The following AHNAK2 variants were observed in gnomAD, a reference collection of about 807,000 sequenced individuals.
AHNAK2 encodes the protein AHNAK nucleoprotein 2, also known as protein AHNAK2.
Under a neutral mutation model 30.7 loss-of-function variants are expected in AHNAK2, and 18 were observed. That is an observed-to-expected ratio of 0.59 (90% confidence interval 0.41 to 0.87). The LOEUF (loss-of-function observed/expected upper bound fraction) is 0.87, where lower values mean the gene tolerates loss of function less well. AHNAK2 is among the 40% of genes least tolerant of loss of function. AHNAK2 has a pLI of 0.00. For synonymous variants in AHNAK2, 3,590 were observed against 3,073.8 expected (o/e 1.17, Z -5.56); for missense variants, 8,604 against 7,373.0 (o/e 1.17, Z -6.11).
At chr14:104,960,491 T>G (rs1055615156) in intron 1 of AHNAK2, among the ~76,000 whole-genome samples, 10 of 152,188 alleles carry the variant, frequency 6.6e-5, no homozygotes, top group African/African-American at 2.4e-4. Flanking sequence ...CTACATTGCT[T>G]TATAGAAGGG....
In AHNAK2 at chr14:104,942,151, G is replaced by T. The variant is rs777499215; in HGVS notation, c.13300C>A (p.Gln4434Lys). Residue 4434 changes from glutamine to lysine, a missense_variant, in exon 7 of 7, where the codon CAA becomes AAA. Coordinates refer to ENST00000333244, the MANE Select transcript of AHNAK2 (RefSeq NM_138420.4). Reference protein sequence around the residue: ...VSLPSMEVDIQAPGAKLDSTR... With the variant: ...VSLPSMEVDIKAPGAKLDSTR... ...CTGTCCAGCTTGGCTCCTGGGGCTTGGATGTCCACCTCCATGCTGGGCAGA... is the reference window on the plus strand; with the variant it reads ...CTGTCCAGCTTGGCTCCTGGGGCTTTGATGTCCACCTCCATGCTGGGCAGA... The T allele has an allele frequency of 1.7e-5, 28 of 1,611,402 alleles. No homozygotes were observed. Among genetic ancestry groups the T allele is most frequent in the Non-Finnish European group, 2.3e-5 (27 of 1,179,086 alleles).
chr14:104,977,179 T>C (rs1320231664), intron 1 of AHNAK2, among the ~76,000 whole-genome samples: 1 of 152,176 alleles, frequency 6.6e-6, no homozygotes, highest in Non-Finnish European at 1.5e-5. Context: ...CCATTAGCAT[T>C]GACCTGTTTT....
chr14:104,952,844 G>A lies in AHNAK2; in HGVS notation c.2607C>T (p.Leu869=), dbSNP rs770710204. Residue 869 remains leucine (L), a synonymous_variant, in exon 7 of 7, where the codon CTC becomes CTT. Transcript: ENST00000333244. ...SAPKVEADVS[L]SSMQGDLKAT... is the part of the protein sequence containing the mutation. ...CCTTGAGGTCCCCCTGCATGGAGGA[G>A]AGGCTCACGTCGGCCTCCACCTTCG... is the stretch of plus-strand genomic sequence containing the variant. 9.3e-6 allele frequency: 15 copies of A among 1,612,678 alleles called. No individual in the cohort carries two copies. The East Asian group carries it at 1.8e-4, about 19-fold the overall frequency.
chr14:104,977,775 C>T (rs1899632689), intron 1 of AHNAK2, among the ~76,000 whole-genome samples: 1 of 152,222 alleles, frequency 6.6e-6, no homozygotes. Flanking sequence ...CAGACACCAG[C>T]CCTGCTCCAG....
In AHNAK2 at chr14:104,938,771, G is replaced by A; in HGVS notation, c.16680C>T (p.Asp5560=). The change falls in exon 7 of 7, where the codon GAC becomes GAT. Residue 5560 remains aspartate, a synonymous_variant. Coordinates refer to ENST00000333244, the MANE Select transcript of AHNAK2 (RefSeq NM_138420.4). ...EAPIQATPGV[D]SISGDLQPDT... Reference sequence around the variant, plus strand: ...CAGGCTGGAGATCTCCAGAAATGGAGTCTACTCCTGGGGTGGCTTGTATGG... The same window carrying A: ...CAGGCTGGAGATCTCCAGAAATGGAATCTACTCCTGGGGTGGCTTGTATGG... 1 of 1,613,958 alleles carries A rather than the reference G, an allele frequency of 6.2e-7. No homozygotes were observed. The highest frequency in any genetic ancestry group is 1.1e-5 in the South Asian group (1 of 91,080).
intron 1 of AHNAK2, among the ~76,000 whole-genome samples, chr14:104,973,394 G>A (rs1899523708): frequency 1.3e-5 from 2 of 152,202 alleles, no homozygotes; most frequent in African/African-American, 4.8e-5. Flanking sequence ...GTGTCACCAA[G>A]GAGCCCGCGG....
chr14:104,950,446 C>T lies in AHNAK2; in HGVS notation c.5005G>A (p.Gly1669Arg), dbSNP rs199554131. 325 of 1,586,786 alleles carry T rather than the reference C, an allele frequency of 2.0e-4. 34 individuals are homozygous for T. Among genetic ancestry groups the T allele is most frequent in the African/African-American group, 1.1e-3 (79 of 72,690 alleles). Reference protein sequence around the residue: ...KMPKFKMPSFGVSAPGKSIEA... With the variant: ...KMPKFKMPSFRVSAPGKSIEA... Reference sequence around the variant, plus strand: ...ATGGACTTGCCTGGGGCCGACACCCCAAATGATGGCATCTTGAACTTGGGC... The same window carrying T: ...ATGGACTTGCCTGGGGCCGACACCCTAAATGATGGCATCTTGAACTTGGGC... The change falls in exon 7 of 7, where the codon GGG becomes AGG. Residue 1669 changes from glycine (G) to arginine (R), a missense_variant. Physicochemically the swap from Gly to Arg is moderately radical, Grantham distance 125 (BLOSUM62 -2). Coordinates refer to ENST00000333244, the MANE Select transcript of AHNAK2 (RefSeq NM_138420.4).
chr14:104,944,320 C>T lies in AHNAK2; in HGVS notation c.11131G>A (p.Val3711Met), dbSNP rs1321224519. Residue 3711 changes from valine (V) to methionine (M), a missense_variant, in exon 7 of 7, where the codon GTG becomes ATG. Transcript: ENST00000333244. Reference protein sequence around the residue: ...QMDVKLPEGQVPEGAGLKEHL... With the variant: ...QMDVKLPEGQMPEGAGLKEHL... ...TCTTTGAGGCCGGCTCCCTCGGGCA[C>T]CTGGCCCTCCGGGAGCTTCACATCC... 6.2e-7 allele frequency: 1 copy of T among 1,612,896 alleles called. No individual in the cohort carries two copies. Among genetic ancestry groups the T allele is most frequent in the Admixed American group, 1.7e-5 (1 of 59,956 alleles).
intron 1 of AHNAK2, among the ~76,000 whole-genome samples, chr14:104,968,390 T>A (rs1899373623): frequency 6.6e-6 from 1 of 151,512 alleles, no homozygotes; most frequent in Admixed American, 6.6e-5. Flanking sequence ...GACGAGCAGA[T>A]CCTGGCCGGG....
Position 104,953,326 on chromosome 14 carries a change from C to A in AHNAK2, c.2125G>T (p.Val709Leu). 1 of 1,613,384 alleles carries A rather than the reference C, an allele frequency of 6.2e-7. No individual in the cohort carries two copies. The highest frequency in any genetic ancestry group is 8.5e-7 in the Non-Finnish European group (1 of 1,179,770). The change falls in exon 7 of 7, where the codon GTG becomes TTG. Residue 709 changes from valine to leucine, a missense_variant. Transcript: ENST00000333244. ...DVSAPKVEAD[V>L]SLLSMQGDLK... Reference sequence around the variant, plus strand: ...TCCCCCTGCATGGAGAGGAGGCTCACGTCGGCCTCCACCTTCGGCGCAGAC... The same window carrying A: ...TCCCCCTGCATGGAGAGGAGGCTCAAGTCGGCCTCCACCTTCGGCGCAGAC...
Position 104,950,367 on chromosome 14 carries a change from G to A in AHNAK2, c.5084C>T (p.Pro1695Leu), listed in dbSNP as rs376939664. 58 of 1,586,208 alleles carry A rather than the reference G, an allele frequency of 3.7e-5. 7 individuals are homozygous for A. Among genetic ancestry groups the A allele is most frequent in the Admixed American group, 2.8e-4 (16 of 57,364 alleles). ...EPKVEADVSL[P>L]SMQGDLKTTD... ...GGTCTTCAGGTCCCCCTGCATGGAG[G>A]GGAGGCTCACATCAGCTTCCACCTT... is the stretch of plus-strand genomic sequence containing the variant. Residue 1695 changes from proline to leucine, a missense_variant, in exon 7 of 7, where the codon CCC becomes CTC. Transcript: ENST00000333244.
rs763338863 is a variant in AHNAK2 at position 104,939,826 on chromosome 14, C to T, written c.15625G>A (p.Gly5209Arg). Residue 5209 changes from glycine (G) to arginine (R), a missense_variant, in exon 7 of 7, where the codon GGG becomes AGG. Physicochemically the swap from Gly to Arg is moderately radical, Grantham distance 125. Transcript: ENST00000333244. ...TGAGCCACTTCCAGCTTTCCAGCCC[C>T]GCCTCTGTCCCTGAAAGAGCGCCTA... Reference protein sequence around the residue: ...SLRRSFRDRGGAGKLEVAQTQ... With the variant: ...SLRRSFRDRGRAGKLEVAQTQ... The T allele has an allele frequency of 8.1e-6, 13 of 1,613,728 alleles. No individual in the cohort carries two copies. Among genetic ancestry groups the T allele is most frequent in the East Asian group, 4.5e-5 (2 of 44,902 alleles).
Position 104,945,546 on chromosome 14 carries a change from G to T in AHNAK2, c.9905C>A (p.Thr3302Asn). The T allele has an allele frequency of 6.2e-7, 1 of 1,612,028 alleles. No individual in the cohort carries two copies. The highest frequency in any genetic ancestry group is 8.5e-7 in the Non-Finnish European group (1 of 1,179,146). The change falls in exon 7 of 7, where the codon ACT (threonine) becomes AAT (asparagine). Residue 3302 changes from threonine to asparagine, a missense_variant. Coordinates refer to ENST00000333244, the MANE Select transcript of AHNAK2 (RefSeq NM_138420.4). The part of the protein sequence containing the change: ...GDLSLADKDV[T>N]AKDSKFKMPK... ...CATTTTGAACTTGCTGTCTTTGGCA[G>T]TCACATCCTTGTCGGCCAGGGACAG...
In AHNAK2 at chr14:104,952,996, G is replaced by A. The variant is rs757436413; in HGVS notation, c.2455C>T (p.Leu819=). ...GTCACCTCCTTGTCGGCCAGGGACAGGTCCCCCTCCAGCCGCGCACCATCC... is the reference window on the plus strand; with the variant it reads ...GTCACCTCCTTGTCGGCCAGGGACAAGTCCCCCTCCAGCCGCGCACCATCC... ...KLDGARLEGD[L]SLADKEVTAK... is the part of the protein sequence containing the mutation. Residue 819 remains leucine, a synonymous_variant, in exon 7 of 7, where the codon CTG becomes TTG. Transcript: ENST00000333244. 1.9e-6 allele frequency: 3 copies of A among 1,612,924 alleles called. No individual in the cohort carries two copies. Among genetic ancestry groups the A allele is most frequent in the Non-Finnish European group, 1.7e-6 (2 of 1,179,646 alleles).
rs1442280714 is a variant in AHNAK2, at chr14:104,952,518, G to T, written c.2933C>A (p.Ala978Glu). The T allele has an allele frequency of 1.2e-6, 2 of 1,612,660 alleles. No individual in the cohort carries two copies. The highest frequency in any genetic ancestry group is 1.7e-6 in the Non-Finnish European group (2 of 1,179,670). ...VQAQKAKLDG[A>E]WLEGDLSLAD... Reference sequence around the variant, plus strand: ...CAGGGACAGGTCCCCCTCCAGCCACGCACCATCCAGCTTGGCCTTCTGGGC... The same window carrying T: ...CAGGGACAGGTCCCCCTCCAGCCACTCACCATCCAGCTTGGCCTTCTGGGC... The change falls in exon 7 of 7, where the codon GCG becomes GAG. Residue 978 changes from alanine to glutamate, a missense_variant. Ala to Glu is a moderately radical substitution (Grantham distance 107). Coordinates refer to ENST00000333244, the MANE Select transcript of AHNAK2 (RefSeq NM_138420.4).
chr14:104,945,552 T>A lies in AHNAK2; in HGVS notation c.9899A>T (p.Asp3300Val). The change falls in exon 7 of 7, where the codon GAT becomes GTT. Residue 3300 changes from aspartate to valine, a missense_variant. By Grantham distance (152) the Asp-to-Val change is radical. Coordinates refer to ENST00000333244, the MANE Select transcript of AHNAK2 (RefSeq NM_138420.4). Reference protein sequence around the residue: ...LEGDLSLADKDVTAKDSKFKM... With the variant: ...LEGDLSLADKVVTAKDSKFKM... Reference sequence around the variant, plus strand: ...GAACTTGCTGTCTTTGGCAGTCACATCCTTGTCGGCCAGGGACAGGTCCCC... The same window carrying A: ...GAACTTGCTGTCTTTGGCAGTCACAACCTTGTCGGCCAGGGACAGGTCCCC... 1 of 1,611,034 alleles carries A rather than the reference T, an allele frequency of 6.2e-7. No homozygotes were observed. Among genetic ancestry groups the A allele is most frequent in the South Asian group, 1.1e-5 (1 of 90,870 alleles).
rs779390119 is a variant in AHNAK2, at chr14:104,944,850, G to A, written c.10601C>T (p.Ala3534Val). 11 of 1,612,808 alleles carry A rather than the reference G, an allele frequency of 6.8e-6. 1 individual carries two copies. In the South Asian group the frequency reaches 1.1e-4, roughly 16 times the overall value. The change falls in exon 7 of 7, where the codon GCT becomes GTT. Residue 3534 changes from alanine to valine, a missense_variant. Physicochemically the swap from Ala to Val is moderately conservative, Grantham distance 64 (BLOSUM62 0). Transcript: ENST00000333244. ...QPPSADLEVQ[A>V]VQVDVELLEG... ...CAGGAGTTCCACATCCACTTGGACAGCCTGGACCTCCAGGTCAGCGGAAGG... is the reference window on the plus strand; with the variant it reads ...CAGGAGTTCCACATCCACTTGGACAACCTGGACCTCCAGGTCAGCGGAAGG...
chr14:104,953,834 C>G lies in AHNAK2; in HGVS notation c.1617G>C (p.Pro539=), dbSNP rs114265418. Residue 539 remains proline (P), a synonymous_variant, in exon 7 of 7, where the codon CCG becomes CCC. Transcript: ENST00000333244. ...GEEVEGAGWM[P]GREPTTHAEA... is the part of the protein sequence containing the mutation. Reference sequence around the variant, plus strand: ...CTGCATGTGTGGTTGGTTCCCTGCCCGGCATCCACCCGGCTCCTTCCACCT... The same window carrying G: ...CTGCATGTGTGGTTGGTTCCCTGCCGGGCATCCACCCGGCTCCTTCCACCT... 1.4e-3 allele frequency: 2,329 copies of G among 1,613,948 alleles called. 22 individuals carry two copies. The African/African-American group carries it at 0.027, about 18-fold the overall frequency.
rs368447344 is a variant in AHNAK2, at chr14:104,942,138, G to A, written c.13313C>T (p.Ala4438Val). 1.2e-6 allele frequency: 2 copies of A among 1,613,318 alleles called. No individual in the cohort carries two copies. Among genetic ancestry groups the A allele is most frequent in the Non-Finnish European group, 8.5e-7 (1 of 1,179,744 alleles). ...CTCCAGCCGCGTACTGTCCAGCTTG[G>A]CTCCTGGGGCTTGGATGTCCACCTC... is the stretch of plus-strand genomic sequence containing the variant. ...SMEVDIQAPG[A>V]KLDSTRLEGD... The change falls in exon 7 of 7, where the codon GCC becomes GTC. Residue 4438 changes from alanine (A) to valine (V), a missense_variant. Physicochemically the swap from Ala to Val is moderately conservative, Grantham distance 64 (BLOSUM62 0). Coordinates refer to ENST00000333244, the MANE Select transcript of AHNAK2 (RefSeq NM_138420.4).
Sources: allele counts gnomAD v4.1 joint callset (sites outside exome capture counted in the v4.1 genomes callset), GRCh38; gene constraint gnomAD v4.1.1; transcripts MANE v1.5; gene names NCBI Gene and HGNC (gene_info 2026-07-23, HGNC 2026-07-21).